Variants in PLEKHG4B observed in about 807,000 individuals in gnomAD.
The protein encoded by PLEKHG4B is pleckstrin homology and RhoGEF domain containing G4B, also known as pleckstrin homology domain-containing family G member 4B.
In PLEKHG4B, 111 loss-of-function variants were observed where a neutral mutation model predicts 121.3. The observed-to-expected ratio is 0.92, with a 90% CI of 0.78 to 1.07. The LOEUF is 1.07. Ranked by LOEUF, PLEKHG4B falls within the 50% of genes least tolerant of loss-of-function variation. The probability of loss-of-function intolerance (pLI) is 0.00; values close to 1 mark genes in which losing one functional copy is unlikely to be tolerated. For synonymous variants in PLEKHG4B, 738 were observed against 725.0 expected, an observed-to-expected ratio of 1.02 and a Z score of -0.29; for missense variants, 1,831 against 1,757.8, an observed-to-expected ratio of 1.04 and a Z score of -0.74.
chr5:140,571 C>T lies in PLEKHG4B; in HGVS notation c.1332C>T (p.Pro444=). 6.2e-7 allele frequency: 1 copy of T among 1,608,396 alleles called. No homozygotes were observed. ...PRRSRSWERA[P]RSSRGAQAAA... is the part of the protein sequence containing the mutation. ...GATCTCGGTCCTGGGAAAGGGCACC[C>T]AGAAGCTCCAGAGGGGCCCAGGCTG... Residue 444 remains proline (P), a synonymous_variant, in exon 3 of 20, where the codon CCC becomes CCT. Transcript: ENST00000637938.
chr5:168,734 T>G (rs1356541198), intron 13 of PLEKHG4B, among the ~76,000 whole-genome samples: 1 of 152,220 alleles, frequency 6.6e-6, no homozygotes, highest in African/African-American at 2.4e-5. Flanking sequence ...AAGTTTCTTT[T>G]TGAAATATAG....
rs1733731208 is a variant in PLEKHG4B, at chr5:189,611, T to C, written c.*7288T>C. 6.6e-6 allele frequency: 1 copy of C among 152,230 alleles called. No homozygotes were observed. Among genetic ancestry groups the C allele is most frequent in the African/African-American group, 2.4e-5 (1 of 41,440 alleles). The allele number at this position is 152,230 out of a possible 1,614,324, so 9.4% of individuals were successfully genotyped here. On this transcript the variant is annotated 3_prime_UTR_variant, in exon 20 of 20. Transcript: ENST00000637938. ...CAGGTTGGGACGGCGGCGCCAGAGCTGGGCCTGAGTCTGACCCAACCTGTG... is the reference window on the plus strand; with the variant it reads ...CAGGTTGGGACGGCGGCGCCAGAGCCGGGCCTGAGTCTGACCCAACCTGTG...
At chr5:104,420 T>A (rs947116970) in intron 1 of PLEKHG4B, among the ~76,000 whole-genome samples, 4 of 152,182 alleles carry the variant, frequency 2.6e-5, no homozygotes, top group South Asian at 2.1e-4. Context: ...ATCCACCGTA[T>A]CCAGCATATA....
rs1735115414 is a variant in PLEKHG4B, at chr5:140,242, A to G, written c.1003A>G (p.Ser335Gly). 1 of 1,438,094 alleles carries G rather than the reference A, an allele frequency of 7.0e-7. No individual in the cohort carries two copies. Among genetic ancestry groups the G allele is most frequent in the Non-Finnish European group, 9.2e-7 (1 of 1,087,804 alleles). The allele number at this position is 1,438,094 out of a possible 1,614,324, so 89.1% of individuals were successfully genotyped here. The change falls in exon 3 of 20, where the codon AGC (serine) becomes GGC (glycine). Residue 335 changes from serine to glycine, a missense_variant. Transcript: ENST00000637938. ...TFHTDLGIPS[S>G]RRRPPGDPTC... ...CCACACAGACCTGGGCATCCCGAGC[A>G]GCAGGAGGCGGCCGCCGGGGGACCC... is the stretch of plus-strand genomic sequence containing the variant.
In PLEKHG4B at chr5:132,799, T is replaced by C. The variant is rs187231330; in HGVS notation, c.244-6684T>C. Among the ~76,000 whole-genome samples, 13 of 152,340 alleles carry C rather than the reference T, an allele frequency of 8.5e-5. No homozygotes were observed. In the East Asian group the frequency reaches 1.9e-3, roughly 23 times the overall value. On this transcript the variant is annotated intron_variant, in intron 2 of 19. Transcript: ENST00000637938. ...CATGCTGTTTTAGTGACTCTGGCCTTATAGTATAGTTTGAAGTCGGGTGAT... is the reference window on the plus strand; with the variant it reads ...CATGCTGTTTTAGTGACTCTGGCCTCATAGTATAGTTTGAAGTCGGGTGAT...
intron 1 of PLEKHG4B, among the ~76,000 whole-genome samples, chr5:104,437 ATT>A (rs905343600): frequency 8.5e-5 from 13 of 152,226 alleles, no homozygotes; most frequent in African/African-American, 3.1e-4. Flanking sequence ...TATAATAAAC[ATT>A]TTTCTAAAAT....
At chr5:93,892 C>T (rs1044792657) in intron 1 of PLEKHG4B, among the ~76,000 whole-genome samples, 1 of 152,164 alleles carries the variant, frequency 6.6e-6, no homozygotes, top group Non-Finnish European at 1.5e-5. Flanking sequence ...ACACAGGAGG[C>T]CCCAGATCCC....
intron 1 of PLEKHG4B, among the ~76,000 whole-genome samples, chr5:97,344 C>G (rs1733659566): frequency 2.0e-5 from 3 of 151,430 alleles, no homozygotes; most frequent in Admixed American, 6.6e-5. Context: ...CATTCAGGCT[C>G]CAGATCGTTT....
At position 155,006 on chromosome 5, in the gene PLEKHG4B, C is replaced by T; in HGVS notation, c.2109+15C>T. ...GCTTCCGTCAGGTAGGTTCAGCCTG[C>T]AGCTGCTGCACATGCGACAGTCTCT... On this transcript the variant is annotated intron_variant, in intron 8 of 19. Transcript: ENST00000637938. 3 of 1,590,178 alleles carry T rather than the reference C, an allele frequency of 1.9e-6. No individual in the cohort carries two copies. Among genetic ancestry groups the T allele is most frequent in the Non-Finnish European group, 2.6e-6 (3 of 1,161,056 alleles).
At chr5:122,791 G>A (rs1327034230) in intron 2 of PLEKHG4B, among the ~76,000 whole-genome samples, 1 of 152,144 alleles carries the variant, frequency 6.6e-6, no homozygotes, top group Non-Finnish European at 1.5e-5. Context: ...CTAAGTGTAA[G>A]AAAGTATGTG....
intron 13 of PLEKHG4B, among the ~76,000 whole-genome samples, chr5:168,067 G>C (rs1222267382): frequency 6.6e-6 from 1 of 152,180 alleles, no homozygotes; most frequent in African/African-American, 2.4e-5. Context: ...TCTGGGTCCT[G>C]CCCTGCCCTG....
At chr5:142,928 G>A (rs1029423965) in intron 3 of PLEKHG4B, 119 bp from the exon 4 acceptor site, 20 of 974,620 alleles carry the variant, frequency 2.1e-5, no homozygotes, top group South Asian at 1.7e-4. Flanking sequence ...AAGTTTTCTC[G>A]GAACCCCCTA....
At chr5:148,740 G>A (rs1735509845) in intron 6 of PLEKHG4B, among the ~76,000 whole-genome samples, 1 of 152,100 alleles carries the variant, frequency 6.6e-6, no homozygotes, top group Admixed American at 6.5e-5. Context: ...AATTCATAGG[G>A]AATCTCAAAG....
intron 2 of PLEKHG4B, among the ~76,000 whole-genome samples, chr5:125,202 CAG>C (rs998907662): frequency 1.6e-4 from 24 of 152,134 alleles, no homozygotes; most frequent in African/African-American, 5.6e-4. Context: ...TACTGATAAA[CAG>C]GGGCTCCTGT....
chr5:122,215 G>A (rs1049204618), intron 2 of PLEKHG4B, among the ~76,000 whole-genome samples: 1 of 151,708 alleles, frequency 6.6e-6, no homozygotes, highest in African/African-American at 2.4e-5. Context: ...GAGGATGAAA[G>A]GAAGAACAAA....
Position 188,699 on chromosome 5 carries a change from G to T in PLEKHG4B, c.*6376G>T. ...ATGACACCAGCTGGGTGGAGCTGCC[G>T]CCGAGTCCACGCCCCGTCTGGCTGG... On this transcript the variant is annotated 3_prime_UTR_variant, in exon 20 of 20. Coordinates refer to ENST00000637938, the MANE Select transcript of PLEKHG4B (RefSeq NM_052909.5). The T allele has an allele frequency of 6.6e-6, 1 of 152,366 alleles. No individual in the cohort carries two copies. The allele number at this position is 152,366 out of a possible 1,614,324, so 9.4% of individuals were successfully genotyped here. A position where few individuals can be genotyped will look rare whatever the true frequency, so the allele number is the denominator to read the frequency against.
rs34972342 is a variant in PLEKHG4B at position 109,397 on chromosome 5, C to CAAAAAAAAAAAAAA, written c.46-3843_46-3830dup. Among the ~76,000 whole-genome samples the CAAAAAAAAAAAAAA allele has an allele frequency of 1.3e-3, 81 of 61,808 alleles. 3 individuals are homozygous for CAAAAAAAAAAAAAA. The highest frequency in any genetic ancestry group is 5.9e-3 in the African/African-American group (77 of 12,972). 40.5% of individuals were successfully genotyped at this position (61,808 alleles called of 152,430 possible). ...GGGTGACAGGGCAAGACTCTGTCTCCAAAAAAAAAAAAAAAAAAAAAAAAT... is the reference window on the plus strand; with the variant it reads ...GGGTGACAGGGCAAGACTCTGTCTCCAAAAAAAAAAAAAAAAAAAAAAAAAAAAAAAAAAAAAAT... On this transcript the variant is annotated intron_variant, in intron 1 of 19. Transcript: ENST00000637938.
intron 2 of PLEKHG4B, among the ~76,000 whole-genome samples, chr5:131,863 A>G (rs1424544463): frequency 6.6e-6 from 1 of 152,226 alleles, no homozygotes; most frequent in Non-Finnish European, 1.5e-5. Context: ...TCTGATGACC[A>G]GTGATGATGA....
chr5:139,350 C>G lies in PLEKHG4B; in HGVS notation c.244-133C>G. On this transcript the variant is annotated intron_variant, in intron 2 of 19. Coordinates refer to ENST00000637938, the MANE Select transcript of PLEKHG4B (RefSeq NM_052909.5). This position sits in a 1 kb window ranked among gnomAD's most constrained non-coding sequence, Gnocchi z 5.0. ...CTTTATGTTCCAAGGAACAGGACAC[C>G]CCAGCCCCCGTGAGACCCCTTCCTT... The G allele has an allele frequency of 2.5e-6, 1 of 398,170 alleles. No homozygotes were observed. Among genetic ancestry groups the G allele is most frequent in the Non-Finnish European group, 4.4e-6 (1 of 226,360 alleles). The allele number at this position is 398,170 out of a possible 1,614,324, so 24.7% of individuals were successfully genotyped here.
Sources: gnomAD v4.1 joint callset for allele counts (sites outside exome capture counted in the v4.1 genomes callset) on GRCh38, gnomAD v4.1.1 for gene constraint, Gnocchi (gnomAD v3.1) non-coding constraint, MANE v1.5 for transcripts, NCBI Gene and HGNC (gene_info 2026-07-23, HGNC 2026-07-21) for gene names.